ACOT7: variants seen among roughly 807,000 people sequenced by gnomAD.
ACOT7 encodes cytosolic acyl coenzyme A thioester hydrolase.
ACOT7 carries 12 observed loss-of-function variants against 40.2 expected under a neutral mutation model. The observed-to-expected ratio is 0.30, with a 90% CI of 0.19 to 0.48. The LOEUF (loss-of-function observed/expected upper bound fraction) is 0.48, where lower values mean the gene tolerates loss of function less well. ACOT7 is among the 20% of genes least tolerant of loss of function. ACOT7 has a pLI of 0.99. For synonymous variants in ACOT7, 228 were observed against 219.5 expected (o/e 1.04, Z -0.34); for missense variants, 395 against 530.8 (o/e 0.74, Z 2.51).
intron 7 of ACOT7, among the ~76,000 whole-genome samples, chr1:6,291,256 G>C (rs1483003962): frequency 6.6e-6 from 1 of 152,128 alleles, no homozygotes; most frequent in Admixed American, 6.5e-5. Context: ...GGATTCTCCA[G>C]GTGTGTCCTA....
At chr1:6,348,273 A>G (rs1379739185) in intron 2 of ACOT7, among the ~76,000 whole-genome samples, 1 of 152,030 alleles carries the variant, frequency 6.6e-6, no homozygotes, top group African/African-American at 2.4e-5. Context: ...TCCACGTCCA[A>G]CCATCCGCAC....
chr1:6,283,867 C>T (rs1451830048), intron 7 of ACOT7, among the ~76,000 whole-genome samples: 3 of 152,206 alleles, frequency 2.0e-5, no homozygotes, highest in East Asian at 1.9e-4. Context: ...TAGTGGCACA[C>T]GCCTGTGGTC....
At chr1:6,334,724 C>A (rs565496981) in intron 3 of ACOT7, among the ~76,000 whole-genome samples, 2 of 152,332 alleles carry the variant, frequency 1.3e-5, no homozygotes, top group South Asian at 4.1e-4. Flanking sequence ...AGGCTCGTGG[C>A]CTGCTGGGGC....
rs2148434507 is a variant in ACOT7, at chr1:6,330,297, A to G, written c.511-2884T>C. ...ATGGGCATAAATGCCCATCGGAGCC[A>G]GGGAAGGAAGCTGTACTTTCTGGGA... On this transcript the variant is annotated intron_variant, in intron 4 of 8. Transcript: ENST00000361521. This position sits in a 1 kb window ranked among gnomAD's most constrained non-coding sequence, Gnocchi z 4.6. Among the ~76,000 whole-genome samples, 1 of 152,322 alleles carries G rather than the reference A, an allele frequency of 6.6e-6. No homozygotes were observed.
chr1:6,287,076 G>A (rs1271982736), intron 7 of ACOT7, among the ~76,000 whole-genome samples: 2 of 152,236 alleles, frequency 1.3e-5, no homozygotes, highest in Admixed American at 6.5e-5. Context: ...ATGAGCCACC[G>A]CGCCCAGCTT....
chr1:6,381,107 T>C (rs998271744), intron 1 of ACOT7, among the ~76,000 whole-genome samples: 5 of 151,922 alleles, frequency 3.3e-5, no homozygotes, highest in Non-Finnish European at 4.4e-5. Context: ...ACAATTATTA[T>C]GTGTCAAAAA....
At chr1:6,284,221 G>A (rs1321307090) in intron 7 of ACOT7, among the ~76,000 whole-genome samples, 2 of 152,120 alleles carry the variant, frequency 1.3e-5, no homozygotes, top group African/African-American at 2.4e-5. Context: ...TGTCCCAGGG[G>A]ACCTCGGGGG....
At chr1:6,379,095 C>T (rs1180610540) in intron 1 of ACOT7, among the ~76,000 whole-genome samples, 1 of 151,810 alleles carries the variant, frequency 6.6e-6, no homozygotes, top group Non-Finnish European at 1.5e-5. Context: ...GGGGTTTCAC[C>T]GTGTTAGCCA....
At chr1:6,276,964 G>C (rs1230754357) in intron 8 of ACOT7, among the ~76,000 whole-genome samples, 1 of 151,992 alleles carries the variant, frequency 6.6e-6, no homozygotes, top group Non-Finnish European at 1.5e-5. Flanking sequence ...TTCCCCCAGG[G>C]CTGGCCCTCC....
chr1:6,365,213 A>C (rs897246514), intron 1 of ACOT7, among the ~76,000 whole-genome samples: 7 of 152,208 alleles, frequency 4.6e-5, no homozygotes, highest in Admixed American at 1.3e-4. Flanking sequence ...GGGAGGGACC[A>C]GAGAAGCAGA....
intron 7 of ACOT7, among the ~76,000 whole-genome samples, chr1:6,292,488 C>T (rs1639695688): frequency 6.6e-6 from 1 of 152,192 alleles, no homozygotes; most frequent in African/African-American, 2.4e-5. Context: ...CCGAGTTGCC[C>T]CAGATGTCTT....
At chr1:6,269,370 A>AG (rs1462084386) in intron 8 of ACOT7, among the ~76,000 whole-genome samples, 1 of 152,180 alleles carries the variant, frequency 6.6e-6, no homozygotes, top group Non-Finnish European at 1.5e-5. Context: ...GGCACAGCCT[A>AG]GGAGCACTTG....
rs181217432 is a variant in ACOT7, at chr1:6,356,980, T to C, written c.144-7114A>G. Among the ~76,000 whole-genome samples the C allele has an allele frequency of 1.1e-3, 166 of 150,774 alleles. 1 individual carries two copies. Among genetic ancestry groups the C allele is most frequent in the African/African-American group, 3.8e-3 (156 of 40,954 alleles). On this transcript the variant is annotated intron_variant, in intron 1 of 8. Coordinates refer to ENST00000361521, the MANE Select transcript of ACOT7 (RefSeq NM_007274.4). Reference sequence around the variant, plus strand: ...GTGGCTGGACGCAGTGGCTCACGCCTGTAATCCCAGCACTTTAGGAGCTGA... The same window carrying C: ...GTGGCTGGACGCAGTGGCTCACGCCCGTAATCCCAGCACTTTAGGAGCTGA...
chr1:6,352,306 C>T lies in ACOT7; in HGVS notation c.144-2440G>A. On this transcript the variant is annotated intron_variant, in intron 1 of 8. Coordinates refer to ENST00000361521, the MANE Select transcript of ACOT7 (RefSeq NM_007274.4). The surrounding 1 kb of genome is among the most constrained non-coding windows in gnomAD (Gnocchi z 4.5). The stretch of plus-strand genomic sequence containing the variant: ...GTCCCAGCCTCAGCTGGGATTCCTT[C>T]CCATCCTGCATACCACCACCAGCTG... The T allele has an allele frequency of 6.5e-6, 1 of 152,826 alleles. No individual in the cohort carries two copies. Among genetic ancestry groups the T allele is most frequent in the Non-Finnish European group, 1.5e-5 (1 of 68,390 alleles). The allele number at this position is 152,826 out of a possible 1,614,324, so 9.5% of individuals were successfully genotyped here.
At chr1:6,267,873 C>T (rs1018971851) in intron 8 of ACOT7, among the ~76,000 whole-genome samples, 3 of 152,212 alleles carry the variant, frequency 2.0e-5, no homozygotes, top group African/African-American at 7.2e-5. Context: ...CACTGACTCA[C>T]ATCGACTCCT....
At chr1:6,345,587 A>T (rs1641397844) in intron 2 of ACOT7, among the ~76,000 whole-genome samples, 1 of 152,238 alleles carries the variant, frequency 6.6e-6, no homozygotes, top group Admixed American at 6.5e-5. Context: ...TCTCTCTGAC[A>T]TGCGGGGATA....
intron 1 of ACOT7, chr1:6,360,722 G>A (rs1027690548): frequency 6.2e-7 from 1 of 1,611,662 alleles, no homozygotes; most frequent in Non-Finnish European, 8.5e-7. Flanking sequence ...AATGAGCCTG[G>A]GCCCCAATAC....
intron 1 of ACOT7, among the ~76,000 whole-genome samples, chr1:6,383,523 T>C (rs562073004): frequency 1.3e-4 from 19 of 147,908 alleles, no homozygotes; most frequent in Non-Finnish European, 2.8e-4. Context: ...TTATATATTA[T>C]GTGTATTTTA....
intron 6 of ACOT7, among the ~76,000 whole-genome samples, chr1:6,314,947 G>A (rs921996260): frequency 1.3e-5 from 2 of 151,830 alleles, no homozygotes; most frequent in South Asian, 2.1e-4. Flanking sequence ...CCCTCCTCCC[G>A]CACGGGACAA....
Sources: gnomAD v4.1 joint callset for allele counts (sites outside exome capture counted in the v4.1 genomes callset) on GRCh38, gnomAD v4.1.1 for gene constraint, Gnocchi (gnomAD v3.1) non-coding constraint, MANE v1.5 for transcripts, NCBI Gene and HGNC (gene_info 2026-07-23, HGNC 2026-07-21) for gene names.